Variants in SORCS3 observed in about 807,000 individuals in gnomAD.
The protein encoded by SORCS3 is sortilin related VPS10 domain containing receptor 3, also known as VPS10 domain-containing receptor SorCS3.
In SORCS3, 57 loss-of-function variants were observed where a neutral mutation model predicts 146.3. The observed-to-expected ratio is 0.39, with a 90% CI of 0.31 to 0.49. The LOEUF (loss-of-function observed/expected upper bound fraction) is 0.49, where lower values mean the gene tolerates loss of function less well. SORCS3 is among the 20% of genes least tolerant of loss of function. SORCS3 has a pLI of 0.92. For synonymous variants in SORCS3, 653 were observed against 618.5 expected (o/e 1.06, Z -0.83); for missense variants, 1,341 against 1,575.5 (o/e 0.85, Z 2.52).
intron 3 of SORCS3, among the ~76,000 whole-genome samples, chr10:104,942,571 C>G (rs2019331521): frequency 6.6e-6 from 1 of 152,084 alleles, no homozygotes; most frequent in Admixed American, 6.6e-5. Context: ...TTAAATCCAA[C>G]AAAATATAAA....
At chr10:105,023,213 C>A (rs2055208148) in intron 4 of SORCS3, among the ~76,000 whole-genome samples, 1 of 152,216 alleles carries the variant, frequency 6.6e-6, no homozygotes, top group Non-Finnish European at 1.5e-5. Context: ...CCAAAGCCCA[C>A]ACATATATGG....
At chr10:105,170,085 C>G (rs2119535781) in intron 13 of SORCS3, among the ~76,000 whole-genome samples, 1 of 152,180 alleles carries the variant, frequency 6.6e-6, no homozygotes, top group Middle Eastern at 3.4e-3. Context: ...TTTGTCATTT[C>G]CTTTTGGTGG....
At chr10:104,989,184 A>C (rs2054979785) in intron 4 of SORCS3, among the ~76,000 whole-genome samples, 1 of 152,254 alleles carries the variant, frequency 6.6e-6, no homozygotes, top group African/African-American at 2.4e-5. Context: ...TGGTTTAATT[A>C]AACGGAGTTT....
At chr10:105,223,030 G>A in intron 19 of SORCS3, 86 bp from the exon 20 acceptor site, 1 of 1,384,372 alleles carries the variant, frequency 7.2e-7, no homozygotes, top group Non-Finnish European at 9.7e-7. Context: ...GATGCGAATA[G>A]AATTTAAGGT....
chr10:104,696,690 A>T (rs1373096890), intron 1 of SORCS3, among the ~76,000 whole-genome samples: 3 of 64,154 alleles, frequency 4.7e-5, no homozygotes, highest in African/African-American at 6.1e-5. Context: ...ATAATATATA[A>T]TATATATTAT....
chr10:104,838,468 GTCTTAAGCCTGAAGGTTACATTATCATC>G (rs746847888), intron 1 of SORCS3, among the ~76,000 whole-genome samples: 16 of 152,080 alleles, frequency 1.1e-4, no homozygotes, highest in Non-Finnish European at 2.2e-4. Flanking sequence ...GGCATAGAAT[GTCTTAAGCCTGAAGGTTACATTATCATC>G]TCTTCATGGC....
At chr10:104,950,123 G>A (rs2133625298) in intron 3 of SORCS3, among the ~76,000 whole-genome samples, 1 of 152,216 alleles carries the variant, frequency 6.6e-6, no homozygotes, top group East Asian at 1.9e-4. Flanking sequence ...GAGCAAACAG[G>A]CCTCTTCTGA....
chr10:105,189,761 G>A (rs1441096486), intron 14 of SORCS3, among the ~76,000 whole-genome samples: 1 of 152,148 alleles, frequency 6.6e-6, no homozygotes, highest in African/African-American at 2.4e-5. Context: ...CAGCTAGCAT[G>A]TGAAAAGGTT....
At chr10:104,852,841 G>A (rs147468032) in intron 2 of SORCS3, among the ~76,000 whole-genome samples, 46 of 152,336 alleles carry the variant, frequency 3.0e-4, no homozygotes, top group Non-Finnish European at 6.2e-4. Context: ...CATTCTGTCA[G>A]CATCAGGGCT....
At chr10:104,998,423 TC>T (rs1338419940) in intron 4 of SORCS3, among the ~76,000 whole-genome samples, 3 of 152,146 alleles carry the variant, frequency 2.0e-5, no homozygotes, top group African/African-American at 7.2e-5. Context: ...TCTCTGCTTG[TC>T]ATAAACCAGC....
chr10:104,779,938 G>A lies in SORCS3; in HGVS notation c.628-62854G>A, dbSNP rs144647373. 5.5e-4 allele frequency among the ~76,000 whole-genome samples: 83 copies of A among 152,244 alleles called. 2 individuals are homozygous for A. The East Asian group carries it at 0.015, about 27-fold the overall frequency. ...AGAAGTATGAATTATTTAAGGAGACGTGCACATCATTAACCTGTCATTCAT... is the reference window on the plus strand; with the variant it reads ...AGAAGTATGAATTATTTAAGGAGACATGCACATCATTAACCTGTCATTCAT... On this transcript the variant is annotated intron_variant, in intron 1 of 26. Transcript: ENST00000369701.
At chr10:104,981,562 G>A (rs1589577865) in intron 4 of SORCS3, among the ~76,000 whole-genome samples, 1 of 152,170 alleles carries the variant, frequency 6.6e-6, no homozygotes, top group Admixed American at 6.5e-5. Flanking sequence ...TAGCTGGAGG[G>A]CTCAATAATC....
At chr10:104,744,462 A>G (rs1431166248) in intron 1 of SORCS3, among the ~76,000 whole-genome samples, 2 of 152,234 alleles carry the variant, frequency 1.3e-5, no homozygotes, top group African/African-American at 4.8e-5. Flanking sequence ...TGTCAGCAAT[A>G]GAAAAGCATT....
chr10:105,199,188 T>C (rs2056560557), intron 14 of SORCS3, among the ~76,000 whole-genome samples: 1 of 152,044 alleles, frequency 6.6e-6, no homozygotes, highest in Non-Finnish European at 1.5e-5. Flanking sequence ...TGCATTGTAA[T>C]TGCAAGACAC....
At chr10:105,135,984 T>G (rs529690448) in intron 7 of SORCS3, among the ~76,000 whole-genome samples, 1 of 152,216 alleles carries the variant, frequency 6.6e-6, no homozygotes, top group Non-Finnish European at 1.5e-5. Flanking sequence ...ATGCGCTGTT[T>G]AATGCAATAT....
At chr10:104,650,733 C>T (rs192517885) in intron 1 of SORCS3, among the ~76,000 whole-genome samples, 2 of 152,258 alleles carry the variant, frequency 1.3e-5, no homozygotes, top group East Asian at 1.9e-4. Context: ...GGGTAAAGAA[C>T]AAGTGTCTTG....
At chr10:104,874,021 G>C (rs144573358) in intron 2 of SORCS3, among the ~76,000 whole-genome samples, 4 of 152,268 alleles carry the variant, frequency 2.6e-5, no homozygotes, top group African/African-American at 9.6e-5. Context: ...AATACGGTTG[G>C]ACAGTTGATT....
At chr10:105,242,834 ATATATATTTT>A (rs1168801196) in intron 20 of SORCS3, among the ~76,000 whole-genome samples, 1 of 102,624 alleles carries the variant, frequency 9.7e-6, no homozygotes, top group Non-Finnish European at 1.7e-5. Context: ...TATAAATTAT[ATATATATTTT>A]TATATATAAA....
At chr10:104,658,802 GA>G (rs2015664805) in intron 1 of SORCS3, among the ~76,000 whole-genome samples, 1 of 152,170 alleles carries the variant, frequency 6.6e-6, no homozygotes, top group East Asian at 1.9e-4. Context: ...TAGGACTCTG[GA>G]TGGAGTGCAG....
Sources: allele counts gnomAD v4.1 joint callset (sites outside exome capture counted in the v4.1 genomes callset), GRCh38; gene constraint gnomAD v4.1.1; transcripts MANE v1.5; gene names NCBI Gene and HGNC (gene_info 2026-07-23, HGNC 2026-07-21).